TNRC6A: variants seen among roughly 807,000 people sequenced by gnomAD.
TNRC6A encodes the protein trinucleotide repeat-containing gene 6A protein.
TNRC6A carries 44 observed loss-of-function variants against 221.2 expected under a neutral mutation model. The observed-to-expected ratio is 0.20, with a 90% CI of 0.16 to 0.26. TNRC6A has a LOEUF of 0.26. Among genes scored for constraint, TNRC6A ranks in the 10% least tolerant of loss-of-function variants. TNRC6A has a pLI of 1.00. For synonymous variants in TNRC6A, 847 were observed against 838.5 expected (o/e 1.01, Z -0.18); for missense variants, 2,199 against 2,404.4 (o/e 0.91, Z 1.79).
At chr16:24,705,528 C>T (rs1478774285) in intron 2 of TNRC6A, among the ~76,000 whole-genome samples, 2 of 152,098 alleles carry the variant, frequency 1.3e-5, no homozygotes, top group African/African-American at 2.4e-5. Context: ...GATGGCGTTT[C>T]GCCATGTTGG....
At chr16:24,702,895 C>T (rs1028053682) in intron 2 of TNRC6A, among the ~76,000 whole-genome samples, 12 of 151,910 alleles carry the variant, frequency 7.9e-5, no homozygotes, top group Non-Finnish European at 1.5e-4. Flanking sequence ...ATTAGCTGAG[C>T]GTGGTGGCGG....
chr16:24,804,477 T>A, intron 12 of TNRC6A, 158 bp downstream of exon 12: 1 of 1,104,308 alleles, frequency 9.1e-7, no homozygotes, highest in Non-Finnish European at 1.2e-6. Flanking sequence ...TTTTTATGTC[T>A]CAATTTATCA....
intron 2 of TNRC6A, among the ~76,000 whole-genome samples, chr16:24,643,704 C>T (rs1215629899): frequency 6.6e-6 from 1 of 152,126 alleles, no homozygotes; most frequent in Non-Finnish European, 1.5e-5. Flanking sequence ...CTGTCCCTTC[C>T]ACCACCCCTC....
At chr16:24,686,199 A>G (rs553275086) in intron 2 of TNRC6A, among the ~76,000 whole-genome samples, 31 of 152,214 alleles carry the variant, frequency 2.0e-4, no homozygotes, top group African/African-American at 6.7e-4. Context: ...TGGATGAGAT[A>G]CCTGCTGAAT....
intron 1 of TNRC6A, 139 bp downstream of exon 1, chr16:24,729,985 T>C: frequency 1.3e-6 from 1 of 798,876 alleles, no homozygotes; most frequent in Non-Finnish European, 1.6e-6. Flanking sequence ...GGGCGCAGGC[T>C]GCGTTGCTGC....
chr16:24,764,917 CAACT>C (rs1415584539), intron 4 of TNRC6A, among the ~76,000 whole-genome samples: 2 of 152,112 alleles, frequency 1.3e-5, no homozygotes, highest in Admixed American at 6.5e-5. Context: ...AAGAGATTAA[CAACT>C]AATAATAAAA....
At chr16:24,802,567 G>T (rs1355090709) in intron 11 of TNRC6A, among the ~76,000 whole-genome samples, 1 of 152,126 alleles carries the variant, frequency 6.6e-6, no homozygotes. Context: ...GTGACAATGG[G>T]ACATCGAAAT....
intron 5 of TNRC6A, among the ~76,000 whole-genome samples, chr16:24,779,810 T>C (rs1430055746): frequency 6.6e-6 from 1 of 152,168 alleles, no homozygotes. Context: ...CTTGGTTTTT[T>C]GTTTTGTTTT....
intron 2 of TNRC6A, among the ~76,000 whole-genome samples, chr16:24,659,190 T>G (rs2054977725): frequency 6.6e-6 from 1 of 152,194 alleles, no homozygotes; most frequent in Admixed American, 6.6e-5. Context: ...TTGTTGTTTT[T>G]CTAACTTCTT....
At chr16:24,774,783 ACCC>A (rs1018089275) in intron 4 of TNRC6A, among the ~76,000 whole-genome samples, 2 of 152,058 alleles carry the variant, frequency 1.3e-5, no homozygotes, top group Non-Finnish European at 2.9e-5. Context: ...TGGTTCCGGG[ACCC>A]CCAACAGATA....
At chr16:24,774,224 C>T (rs1365251465) in intron 4 of TNRC6A, among the ~76,000 whole-genome samples, 4 of 152,190 alleles carry the variant, frequency 2.6e-5, no homozygotes, top group African/African-American at 9.7e-5. Flanking sequence ...TAGCAACCCC[C>T]ACCTACGTTC....
intron 2 of TNRC6A, among the ~76,000 whole-genome samples, chr16:24,657,167 A>G (rs1170129303): frequency 6.6e-6 from 1 of 151,838 alleles, no homozygotes; most frequent in Non-Finnish European, 1.5e-5. Flanking sequence ...TACAAAAATT[A>G]GCCAGGCATG....
At chr16:24,716,366 T>C (rs1473052215) in intron 2 of TNRC6A, among the ~76,000 whole-genome samples, 3 of 152,138 alleles carry the variant, frequency 2.0e-5, no homozygotes, top group African/African-American at 7.2e-5. Flanking sequence ...CTGTTATTCC[T>C]CATCAAACAT....
chr16:24,714,169 C>G (rs921359142), intron 2 of TNRC6A, among the ~76,000 whole-genome samples: 3 of 152,008 alleles, frequency 2.0e-5, no homozygotes, highest in Non-Finnish European at 4.4e-5. Flanking sequence ...ATAGGTTGTT[C>G]CACAGCTCAC....
intron 2 of TNRC6A, among the ~76,000 whole-genome samples, chr16:24,743,368 C>T (rs1304619232): frequency 6.6e-6 from 1 of 152,036 alleles, no homozygotes; most frequent in Non-Finnish European, 1.5e-5. Flanking sequence ...GTCACCCAGG[C>T]TGGAGTGCAG....
At chr16:24,813,562 A>G (rs955383100) in intron 18 of TNRC6A, among the ~76,000 whole-genome samples, 3 of 152,334 alleles carry the variant, frequency 2.0e-5, no homozygotes, top group Non-Finnish European at 4.4e-5. Context: ...GAGACGATGC[A>G]TCTCAGGCAC....
At chr16:24,720,318 C>T (rs1336418739) in intron 2 of TNRC6A, among the ~76,000 whole-genome samples, 1 of 152,072 alleles carries the variant, frequency 6.6e-6, no homozygotes, top group Admixed American at 6.6e-5. Context: ...AGGACGATCA[C>T]TTAAGCCTGG....
Position 24,796,021 on chromosome 16 carries a change from C to T in TNRC6A, c.3561+82C>T, listed in dbSNP as rs748655307. On this transcript the variant is annotated intron_variant, in intron 9 of 24. Coordinates refer to ENST00000395799, the MANE Select transcript of TNRC6A (RefSeq NM_014494.4). Reference sequence around the variant, plus strand: ...GCAACTGCAAACATTTATTTAGCCTCTGCTGTGTGCCAGGTACTGTGCTTG... The same window carrying T: ...GCAACTGCAAACATTTATTTAGCCTTTGCTGTGTGCCAGGTACTGTGCTTG... 4.1e-6 allele frequency: 6 copies of T among 1,475,346 alleles called. No homozygotes were observed. In the African/African-American group the frequency reaches 6.9e-5, roughly 17 times the overall value. The allele number at this position is 1,475,346 out of a possible 1,614,324, so 91.4% of individuals were successfully genotyped here.
chr16:24,737,209 A>G (rs1023709355), intron 2 of TNRC6A, among the ~76,000 whole-genome samples: 1 of 152,236 alleles, frequency 6.6e-6, no homozygotes, highest in African/African-American at 2.4e-5. Flanking sequence ...TTTAGTGCTC[A>G]TTAGATCTCA....
Sources: gnomAD v4.1 joint callset for allele counts (sites outside exome capture counted in the v4.1 genomes callset) on GRCh38, gnomAD v4.1.1 for gene constraint, MANE v1.5 for transcripts, NCBI Gene and HGNC (gene_info 2026-07-23, HGNC 2026-07-21) for gene names.